ARMC5: variants seen among roughly 807,000 people sequenced by gnomAD.
The protein encoded by ARMC5 is armadillo repeat-containing protein 5.
ARMC5 carries 28 observed loss-of-function variants against 60.5 expected under a neutral mutation model. That is an observed-to-expected ratio of 0.46 (90% CI 0.34 to 0.63). ARMC5 has a LOEUF of 0.63. Among genes scored for constraint, ARMC5 ranks in the 30% least tolerant of loss-of-function variants. The pLI is 0.01. For missense variants in ARMC5, 1,189 were observed against 1,304.9 expected (o/e 0.91, Z 1.37); for synonymous variants, 680 against 607.3 (o/e 1.12, Z -1.76).
intron 1 of ARMC5, 42 bp from the exon 2 acceptor site, chr16:31,461,880 A>C: frequency 6.4e-7 from 1 of 1,553,714 alleles, no homozygotes; most frequent in Non-Finnish European, 8.9e-7. Flanking sequence ...TGTGAGAGAC[A>C]GTAAGGGGTA....
At chr16:31,458,859 A>G (rs1383396840), upstream of ARMC5, 8 of 1,535,034 alleles carry the variant, frequency 5.2e-6, no homozygotes, top group Non-Finnish European at 7.0e-6. Context: ...CCTAGATGCC[A>G]GCTCCTGAGC....
upstream of ARMC5, chr16:31,458,336 A>T (rs2082264309): frequency 2.1e-6 from 3 of 1,439,674 alleles, no homozygotes; most frequent in Non-Finnish European, 2.8e-6. Flanking sequence ...CTGGTGCTGG[A>T]TCAGGTTGGA....
In ARMC5 at chr16:31,462,849, T is replaced by C. The variant is rs1024196408; in HGVS notation, c.1302T>C (p.Ala434=). 1.9e-6 allele frequency: 3 copies of C among 1,613,934 alleles called. No homozygotes were observed. The part of the protein sequence containing the change: ...AGEEEEEGRE[A]ASWDFPEERT... ...AGGAGGAAGAAGAGGGAAGAGAAGCTGCTTCCTGGGACTTTCCTGAGGAGA... is the reference window on the plus strand; with the variant it reads ...AGGAGGAAGAAGAGGGAAGAGAAGCCGCTTCCTGGGACTTTCCTGAGGAGA... The change falls in exon 3 of 6, where the codon GCT becomes GCC. Residue 434 remains alanine, a synonymous_variant. Transcript: ENST00000268314. The surrounding 1 kb of genome is among the most constrained non-coding windows in gnomAD (Gnocchi z 7.2).
At chr16:31,461,176 T>A (rs969628933) in intron 1 of ARMC5, among the ~76,000 whole-genome samples, 3 of 152,184 alleles carry the variant, frequency 2.0e-5, no homozygotes, top group African/African-American at 4.8e-5. Flanking sequence ...CTGGGTTGGT[T>A]CAAGCTATTG....
rs765055531 is a variant in ARMC5, at chr16:31,459,656, C to G, written c.132C>G (p.Leu44=). The change falls in exon 1 of 6, where the codon CTC becomes CTG. Residue 44 remains leucine, a synonymous_variant. Transcript: ENST00000268314. ...ATNETPLSRA[L]LALRTRHIKA... ...ACGAGACACCCCTGAGCCGCGCGCT[C>G]CTAGCCCTCCGCACGCGCCACATCA... 2.5e-6 allele frequency: 4 copies of G among 1,585,574 alleles called. No homozygotes were observed. Among genetic ancestry groups the G allele is most frequent in the Non-Finnish European group, 3.4e-6 (4 of 1,173,690 alleles).
chr16:31,458,430 A>G (rs979451735), upstream of ARMC5: 26 of 1,535,564 alleles, frequency 1.7e-5, no homozygotes, highest in Non-Finnish European at 2.1e-5. Context: ...ACGGCTTTTC[A>G]CCGGTGTGTA....
chr16:31,462,083 G>T lies in ARMC5; in HGVS notation c.584-48G>T. The T allele has an allele frequency of 1.2e-6, 2 of 1,613,450 alleles. No individual in the cohort carries two copies. The highest frequency in any genetic ancestry group is 2.2e-5 in the South Asian group (2 of 91,046). Reference sequence around the variant, plus strand: ...AGGGCTTGGGGCAGAAGAAAGGCTTGAGTGTCTGTCCTTGTTCACCCTCTG... The same window carrying T: ...AGGGCTTGGGGCAGAAGAAAGGCTTTAGTGTCTGTCCTTGTTCACCCTCTG... On this transcript the variant is annotated intron_variant, in intron 2 of 5. Coordinates refer to ENST00000268314, the MANE Select transcript of ARMC5 (RefSeq NM_001105247.2). This position sits in a 1 kb window ranked among gnomAD's most constrained non-coding sequence, Gnocchi z 7.2.
At chr16:31,465,310 G>A (rs931305920) in intron 4 of ARMC5, 31 of 1,448,174 alleles carry the variant, frequency 2.1e-5, no homozygotes, top group South Asian at 4.5e-5. Flanking sequence ...GCTTCATGGC[G>A]TTACTGCTAG....
At chr16:31,460,068 G>A in intron 1 of ARMC5, 69 bp downstream of exon 1, 2 of 1,515,552 alleles carry the variant, frequency 1.3e-6, no homozygotes, top group Non-Finnish European at 1.8e-6. Context: ...GACCCGGGCA[G>A]TCTGGAGTTC....
At position 31,467,163 on chromosome 16, in the gene ARMC5, G is replaced by A; in HGVS notation, c.*274G>A. ...AATTGAGATTAAACAATTTGGAGTT[G>A]GATACCTGTGTTGTGTGGTGTGTCT... On this transcript the variant is annotated 3_prime_UTR_variant, in exon 6 of 6. Coordinates refer to ENST00000268314, the MANE Select transcript of ARMC5 (RefSeq NM_001105247.2). The A allele has an allele frequency of 1.1e-5, 4 of 378,366 alleles. No individual in the cohort carries two copies. Among genetic ancestry groups the A allele is most frequent in the Non-Finnish European group, 1.9e-5 (4 of 211,814 alleles). 23.4% of individuals were successfully genotyped at this position (378,366 alleles called of 1,614,324 possible).
Position 31,466,617 on chromosome 16 carries a change from G to T in ARMC5, c.2536G>T (p.Gly846Trp). ...LEAAGRFLLP[G>W]LEEELEEAVG... ...GGCTGCTGGCCGTTTCCTACTGCCT[G>T]GGCTGGAGGAGGAGCTGGAAGAGGC... The change falls in exon 6 of 6, where the codon GGG (glycine) becomes TGG (tryptophan). Residue 846 changes from glycine to tryptophan, a missense_variant. By Grantham distance (184) the Gly-to-Trp change is radical. Transcript: ENST00000268314. The surrounding 1 kb of genome is among the most constrained non-coding windows in gnomAD (Gnocchi z 8.0). The T allele has an allele frequency of 6.2e-7, 1 of 1,603,580 alleles. No homozygotes were observed.
chr16:31,461,671 A>G (rs1567374847), intron 1 of ARMC5, among the ~76,000 whole-genome samples: 1 of 151,964 alleles, frequency 6.6e-6, no homozygotes, highest in South Asian at 2.1e-4. Flanking sequence ...CCATGCCCAG[A>G]TAATTTTTGT....
In ARMC5 at chr16:31,459,813, G is replaced by T. The variant is rs1360206140; in HGVS notation, c.289G>T (p.Ala97Ser). ...AGPGSAPSSA[A>S]SGASSPAPAS... ...CCCCGGCTCCGCCCCCTCGTCGGCC[G>T]CGTCGGGAGCTTCTAGCCCCGCCCC... Residue 97 changes from alanine to serine, a missense_variant, in exon 1 of 6, where the codon GCG becomes TCG. By Grantham distance (99) the Ala-to-Ser change is moderately conservative. This residue lies in a region of ARMC5 where 327 missense variants were observed against 233.7 expected (regional missense o/e 1.40). Coordinates refer to ENST00000268314, the MANE Select transcript of ARMC5 (RefSeq NM_001105247.2). 2.6e-6 allele frequency: 4 copies of T among 1,543,496 alleles called. No individual in the cohort carries two copies. The highest frequency in any genetic ancestry group is 3.5e-6 in the Non-Finnish European group (4 of 1,151,446).
chr16:31,461,065 T>A lies in ARMC5; in HGVS notation c.476-857T>A, dbSNP rs574687819. ...AATAACCCCCATCATTCAGCTACTA[T>A]TTTTCATCTTAAATATCTTCTGAAT... is the stretch of plus-strand genomic sequence containing the variant. On this transcript the variant is annotated intron_variant, in intron 1 of 5. Coordinates refer to ENST00000268314, the MANE Select transcript of ARMC5 (RefSeq NM_001105247.2). Among the ~76,000 whole-genome samples the A allele has an allele frequency of 7.9e-5, 12 of 152,340 alleles. No homozygotes were observed. The East Asian group carries it at 2.3e-3, about 29-fold the overall frequency.
rs2082349371 is a variant in ARMC5 at position 31,465,591 on chromosome 16, C to G, written c.1865-259C>G. On this transcript the variant is annotated intron_variant, in intron 4 of 5. Coordinates refer to ENST00000268314, the MANE Select transcript of ARMC5 (RefSeq NM_001105247.2). ...GTATTATACTGGAACAGCTCGTGTC[C>G]TCCGTCTCTTGCCTCGGCGCCTGGG... is the stretch of plus-strand genomic sequence containing the variant. The G allele has an allele frequency of 8.1e-6, 11 of 1,358,954 alleles. No homozygotes were observed. In the South Asian group the frequency reaches 1.8e-4, roughly 22 times the overall value. The allele number at this position is 1,358,954 out of a possible 1,614,324, so 84.2% of individuals were successfully genotyped here.
In ARMC5 at chr16:31,459,735, C is replaced by G; in HGVS notation, c.211C>G (p.Leu71Val). Reference protein sequence around the residue: ...FRARGGLRPLLALLRRAAAAG... With the variant: ...FRARGGLRPLVALLRRAAAAG... ...GGCACGCGGCGGGCTCCGCCCCCTACTCGCGCTGCTACGGCGAGCGGCTGC... is the reference window on the plus strand; with the variant it reads ...GGCACGCGGCGGGCTCCGCCCCCTAGTCGCGCTGCTACGGCGAGCGGCTGC... Residue 71 changes from leucine (L) to valine (V), a missense_variant, in exon 1 of 6, where the codon CTC (leucine) becomes GTC (valine). By Grantham distance (32) the Leu-to-Val change is conservative. This residue lies in a region of ARMC5 where 327 missense variants were observed against 233.7 expected (regional missense o/e 1.40). Transcript: ENST00000268314. 6.4e-7 allele frequency: 1 copy of G among 1,551,868 alleles called. No homozygotes were observed. Among genetic ancestry groups the G allele is most frequent in the South Asian group, 1.2e-5 (1 of 85,072 alleles).
chr16:31,466,355 C>G lies in ARMC5; in HGVS notation c.2274C>G (p.Leu758=). The change falls in exon 6 of 6, where the codon CTC becomes CTG. Residue 758 remains leucine (L), a synonymous_variant. Transcript: ENST00000268314. The surrounding 1 kb of genome is among the most constrained non-coding windows in gnomAD (Gnocchi z 8.0). ...TGCACTTCCTGCTGGACTCAGGCCTCCAGCTCCCTGCCCAGCGAGCGGCCT... is the reference window on the plus strand; with the variant it reads ...TGCACTTCCTGCTGGACTCAGGCCTGCAGCTCCCTGCCCAGCGAGCGGCCT... ...PDLHFLLDSG[L]QLPAQRAASA... is the part of the protein sequence containing the mutation. 2 of 1,613,492 alleles carry G rather than the reference C, an allele frequency of 1.2e-6. No individual in the cohort carries two copies. The highest frequency in any genetic ancestry group is 1.1e-5 in the South Asian group (1 of 91,088).
Position 31,462,756 on chromosome 16 carries a change from C to G in ARMC5, c.1209C>G (p.Ala403=). ...TGGGGTTTCTGTATGACACTGGGGC[C>G]CTGGGCCGGCTGCAGGCTCTGGGAC... The part of the protein sequence containing the change: ...ALVGFLYDTG[A]LGRLQALGLV... The change falls in exon 3 of 6, where the codon GCC becomes GCG. Residue 403 remains alanine, a synonymous_variant. Coordinates refer to ENST00000268314, the MANE Select transcript of ARMC5 (RefSeq NM_001105247.2). This position sits in a 1 kb window ranked among gnomAD's most constrained non-coding sequence, Gnocchi z 7.2. 1.2e-6 allele frequency: 2 copies of G among 1,613,860 alleles called. No homozygotes were observed. Among genetic ancestry groups the G allele is most frequent in the Non-Finnish European group, 1.7e-6 (2 of 1,180,024 alleles).
At chr16:31,465,091 G>T in intron 4 of ARMC5, 1 of 1,614,008 alleles carries the variant, frequency 6.2e-7, no homozygotes, top group Non-Finnish European at 8.5e-7. Flanking sequence ...TGTGTCCTCT[G>T]CCCTAGCCCT....
Sources: gnomAD v4.1 joint callset for allele counts (sites outside exome capture counted in the v4.1 genomes callset) on GRCh38, gnomAD v4.1.1 for gene constraint, gnomAD v4.1.1 regional missense constraint, Gnocchi (gnomAD v3.1) non-coding constraint, MANE v1.5 for transcripts, NCBI Gene and HGNC (gene_info 2026-07-23, HGNC 2026-07-21) for gene names.